Variants in CHMP3 observed in about 807,000 individuals in gnomAD.
The protein encoded by CHMP3 is 25.1 protein.
In CHMP3, 8 loss-of-function variants were observed where a neutral mutation model predicts 27.4. The observed-to-expected ratio is 0.29, with a 90% CI of 0.17 to 0.53. The LOEUF (loss-of-function observed/expected upper bound fraction) is 0.53, where lower values mean the gene tolerates loss of function less well. Ranked by LOEUF, CHMP3 falls within the 20% of genes least tolerant of loss-of-function variation. The pLI is 0.96. For synonymous variants in CHMP3, 86 were observed against 85.5 expected (o/e 1.01, Z -0.03); for missense variants, 208 against 271.5 (o/e 0.77, Z 1.64).
At chr2:86,546,911 T>C (rs536124803) in intron 1 of CHMP3, among the ~76,000 whole-genome samples, 28 of 152,330 alleles carry the variant, frequency 1.8e-4, no homozygotes, top group Middle Eastern at 6.8e-3. Context: ...TTTGCAAATA[T>C]TTTCTCCCAT....
intron 1 of CHMP3, among the ~76,000 whole-genome samples, chr2:86,544,185 G>A (rs184992993): frequency 3.3e-5 from 5 of 152,044 alleles, no homozygotes; most frequent in African/African-American, 1.2e-4. Context: ...AACACAACTC[G>A]TTTATCCATT....
chr2:86,530,577 C>T (rs529504712), intron 2 of CHMP3, among the ~76,000 whole-genome samples: 1 of 152,298 alleles, frequency 6.6e-6, no homozygotes, highest in East Asian at 1.9e-4. Flanking sequence ...CGACATTTTA[C>T]TTAACCATTC....
At chr2:86,541,365 C>T (rs540962756) in intron 2 of CHMP3, 119 of 152,166 alleles carry the variant, frequency 7.8e-4, no homozygotes, top group African/African-American at 2.8e-3. Context: ...CCAATGGATC[C>T]TATGGAGACA....
chr2:86,531,168 C>G (rs1002169449), intron 2 of CHMP3, among the ~76,000 whole-genome samples: 1 of 151,764 alleles, frequency 6.6e-6, no homozygotes, highest in Admixed American at 6.6e-5. Context: ...TTTTAATGTA[C>G]AATTTTTCTT....
intron 2 of CHMP3, among the ~76,000 whole-genome samples, chr2:86,537,783 A>G (rs1676206890): frequency 6.6e-6 from 1 of 152,162 alleles, no homozygotes; most frequent in Non-Finnish European, 1.5e-5. Flanking sequence ...TCCCTCATAT[A>G]TACAGTTACT....
At chr2:86,537,440 G>A (rs1381667926) in intron 2 of CHMP3, among the ~76,000 whole-genome samples, 5 of 152,028 alleles carry the variant, frequency 3.3e-5, no homozygotes, top group African/African-American at 1.2e-4. Flanking sequence ...TTAAGTCTTT[G>A]TTTAGCAAAT....
chr2:86,560,261 C>CA (rs569981527), intron 1 of CHMP3, among the ~76,000 whole-genome samples: 3,715 of 142,582 alleles, frequency 0.026, 63 homozygotes, highest in East Asian at 0.057. Flanking sequence ...GACTCCATCT[C>CA]AAAAAAAAAA....
intron 2 of CHMP3, among the ~76,000 whole-genome samples, chr2:86,537,729 A>G (rs539006521): frequency 6.6e-6 from 1 of 152,122 alleles, no homozygotes; most frequent in Non-Finnish European, 1.5e-5. Flanking sequence ...GAGCTATTTT[A>G]TGAGCCTGTA....
intron 3 of CHMP3, among the ~76,000 whole-genome samples, chr2:86,526,275 C>T (rs776996764): frequency 3.3e-5 from 5 of 152,096 alleles, no homozygotes; most frequent in Non-Finnish European, 7.4e-5. Flanking sequence ...AATCAGGACA[C>T]AGGAAGAAAG....
Position 86,505,927 on chromosome 2 carries a change from A to G in CHMP3, c.546T>C (p.Ser182=). Residue 182 remains serine (S), a synonymous_variant, in exon 6 of 6, where the codon AGT becomes AGC. Coordinates refer to ENST00000263856, the MANE Select transcript of CHMP3 (RefSeq NM_016079.4). The part of the protein sequence containing the change: ...ITAGALGKAP[S]KVTDALPEPE... ...GCTCTGGAAGGGCATCAGTCACTTTACTGGGTGCTTTGCCCAAGGCCCCTG... is the reference window on the plus strand; with the variant it reads ...GCTCTGGAAGGGCATCAGTCACTTTGCTGGGTGCTTTGCCCAAGGCCCCTG... 1 of 1,580,212 alleles carries G rather than the reference A, an allele frequency of 6.3e-7. No homozygotes were observed.
chr2:86,534,128 T>C (rs1676032462), intron 2 of CHMP3, among the ~76,000 whole-genome samples: 1 of 151,992 alleles, frequency 6.6e-6, no homozygotes. Flanking sequence ...TGTGTATATG[T>C]GAGAAGAATG....
chr2:86,552,466 C>T (rs954188801), intron 1 of CHMP3, among the ~76,000 whole-genome samples: 1 of 152,136 alleles, frequency 6.6e-6, no homozygotes, highest in African/African-American at 2.4e-5. Flanking sequence ...TCTAAAAACC[C>T]TTATAGAATA....
chr2:86,529,300 G>T lies in CHMP3; in HGVS notation c.204C>A (p.Ile68=). 1 of 1,613,670 alleles carries T rather than the reference G, an allele frequency of 6.2e-7. No homozygotes were observed. The highest frequency in any genetic ancestry group is 2.2e-5 in the East Asian group (1 of 44,828). Residue 68 remains isoleucine (I), a synonymous_variant, in exon 3 of 6, where the codon ATC becomes ATA. Coordinates refer to ENST00000263856, the MANE Select transcript of CHMP3 (RefSeq NM_016079.4). ...DVCIVLAKEM[I]RSRKAVSKLY... is the part of the protein sequence containing the mutation. The stretch of plus-strand genomic sequence containing the variant: ...GCTTGCTCACAGCCTTCCTTGACCT[G>T]ATCATCTCCTTGGCCAGAACTATGC...
rs76764126 is a variant in CHMP3, at chr2:86,519,442, C to T, written c.287-8963G>A. On this transcript the variant is annotated intron_variant, in intron 3 of 5. Coordinates refer to ENST00000263856, the MANE Select transcript of CHMP3 (RefSeq NM_016079.4). ...ATTTCTGTGGGAAGAAACTGGAGGA[C>T]GGAAAAGGGTTTCTGAGGATCCAGC... Among the ~76,000 whole-genome samples the T allele has an allele frequency of 1.2e-3, 179 of 151,326 alleles. 1 individual carries two copies. In the East Asian group the frequency reaches 0.019, roughly 16 times the overall value.
At chr2:86,543,094 TCAA>T (rs1222417211) in intron 1 of CHMP3, among the ~76,000 whole-genome samples, 2 of 152,194 alleles carry the variant, frequency 1.3e-5, no homozygotes, top group Non-Finnish European at 2.9e-5. Flanking sequence ...TTTTATTACA[TCAA>T]CAAGGTTTCT....
At chr2:86,560,024 C>G (rs891090782) in intron 1 of CHMP3, among the ~76,000 whole-genome samples, 3 of 152,102 alleles carry the variant, frequency 2.0e-5, no homozygotes, top group East Asian at 1.9e-4. Context: ...CCCAGACTTT[C>G]GGAGGCCAAG....
At chr2:86,521,646 A>C (rs1675527035) in intron 3 of CHMP3, among the ~76,000 whole-genome samples, 1 of 152,222 alleles carries the variant, frequency 6.6e-6, no homozygotes, top group Non-Finnish European at 1.5e-5. Flanking sequence ...ACATTTGAGA[A>C]TTCAAGGTAC....
At chr2:86,558,517 A>G (rs1677216826) in intron 1 of CHMP3, among the ~76,000 whole-genome samples, 1 of 152,184 alleles carries the variant, frequency 6.6e-6, no homozygotes, top group Admixed American at 6.5e-5. Context: ...TGCACGCTGC[A>G]TATTATATCA....
At chr2:86,552,686 GCCT>G (rs1341772138) in intron 1 of CHMP3, among the ~76,000 whole-genome samples, 1 of 152,184 alleles carries the variant, frequency 6.6e-6, no homozygotes, top group Non-Finnish European at 1.5e-5. Flanking sequence ...GACATTATAT[GCCT>G]CCTGATGTGA....
Sources: allele counts gnomAD v4.1 joint callset (sites outside exome capture counted in the v4.1 genomes callset), GRCh38; gene constraint gnomAD v4.1.1; transcripts MANE v1.5; gene names NCBI Gene and HGNC (gene_info 2026-07-23, HGNC 2026-07-21).